The following ZMAT4 variants were observed in gnomAD, a reference collection of about 807,000 sequenced individuals.
ZMAT4 encodes the protein zinc finger matrin-type 4.
A neutral mutation model predicts 28.7 loss-of-function variants in ZMAT4; 17 were observed. The ratio of observed to expected loss-of-function variants is 0.59; its 90% CI spans 0.41 to 0.89. The LOEUF (loss-of-function observed/expected upper bound fraction) is 0.89, where lower values mean the gene tolerates loss of function less well. Among genes scored for constraint, ZMAT4 ranks in the 40% least tolerant of loss-of-function variants. The pLI is 0.00. For missense variants in ZMAT4, 240 were observed against 283.8 expected (o/e 0.85, Z 1.11); for synonymous variants, 117 against 109.2 (o/e 1.07, Z -0.44).
chr8:40,691,419 A>G (rs1809658185), intron 4 of ZMAT4, among the ~76,000 whole-genome samples: 2 of 145,426 alleles, frequency 1.4e-5, no homozygotes, highest in African/African-American at 5.0e-5. Flanking sequence ...AAAAAAAAAA[A>G]GAGAGAGAGA....
chr8:40,837,665 C>T (rs981575790), intron 1 of ZMAT4, among the ~76,000 whole-genome samples: 3 of 152,190 alleles, frequency 2.0e-5, no homozygotes, highest in African/African-American at 7.2e-5. Context: ...GGTCATGGCA[C>T]TAAACAGTGC....
intron 2 of ZMAT4, among the ~76,000 whole-genome samples, chr8:40,777,651 G>T (rs2150569334): frequency 6.6e-6 from 1 of 152,274 alleles, no homozygotes; most frequent in Non-Finnish European, 1.5e-5. Context: ...TCACTGAGAG[G>T]GGCCACAGAG....
intron 3 of ZMAT4, among the ~76,000 whole-genome samples, chr8:40,728,975 A>C (rs187982185): frequency 2.8e-4 from 43 of 152,206 alleles, no homozygotes; most frequent in Non-Finnish European, 5.6e-4. Context: ...CTAGCACACA[A>C]TGTTTTGAAA....
At position 40,830,274 on chromosome 8, in the gene ZMAT4, C is replaced by T. The variant is rs1816232727; in HGVS notation, c.-4-4594G>A. On this transcript the variant is annotated intron_variant, in intron 1 of 6. Coordinates refer to ENST00000297737, the MANE Select transcript of ZMAT4 (RefSeq NM_024645.3). ...TAATGGTGGGGACAGTACAGCTATCCTTCAAATATTAAACATTATACCCAC... is the reference window on the plus strand; with the variant it reads ...TAATGGTGGGGACAGTACAGCTATCTTTCAAATATTAAACATTATACCCAC... Among the ~76,000 whole-genome samples, 3 of 152,070 alleles carry T rather than the reference C, an allele frequency of 2.0e-5. No individual in the cohort carries two copies. In the South Asian group the frequency reaches 6.2e-4, roughly 32 times the overall value.
At chr8:40,842,164 G>A (rs1227749808) in intron 1 of ZMAT4, among the ~76,000 whole-genome samples, 4 of 152,218 alleles carry the variant, frequency 2.6e-5, no homozygotes, top group Non-Finnish European at 5.9e-5. Flanking sequence ...CCTGGGGGCA[G>A]CAATGGTGGT....
At position 40,594,865 on chromosome 8, in the gene ZMAT4, T is replaced by C. The variant is rs376535042; in HGVS notation, c.578-13604A>G. Among the ~76,000 whole-genome samples the C allele has an allele frequency of 3.5e-4, 54 of 152,344 alleles. No individual in the cohort carries two copies. The South Asian group carries it at 8.9e-3, about 25-fold the overall frequency. ...CTTATATACTAATCATCCTATATTT[T>C]CTTGGCATATATTTGAATGGAAAAT... On this transcript the variant is annotated intron_variant, in intron 5 of 6. Transcript: ENST00000297737.
chr8:40,574,565 CAAAATAA>C (rs985275664), intron 6 of ZMAT4, among the ~76,000 whole-genome samples: 2 of 151,932 alleles, frequency 1.3e-5, no homozygotes, highest in African/African-American at 4.8e-5. Context: ...AAAAAAGAAC[CAAAATAA>C]AAAATAAACA....
intron 3 of ZMAT4, among the ~76,000 whole-genome samples, chr8:40,750,291 T>G (rs557020957): frequency 1.3e-5 from 2 of 152,254 alleles, no homozygotes; most frequent in South Asian, 4.2e-4. Flanking sequence ...ACAGACTTCT[T>G]CGTTCTGCAA....
At chr8:40,595,804 C>G (rs1805070677) in intron 5 of ZMAT4, among the ~76,000 whole-genome samples, 1 of 152,066 alleles carries the variant, frequency 6.6e-6, no homozygotes, top group Non-Finnish European at 1.5e-5. Flanking sequence ...CAATGTAAGG[C>G]TGGGCACGGT....
intron 3 of ZMAT4, among the ~76,000 whole-genome samples, chr8:40,731,677 G>A (rs983973948): frequency 5.9e-5 from 9 of 152,260 alleles, no homozygotes; most frequent in East Asian, 1.9e-4. Context: ...AACAGCTGTC[G>A]TAAAGCTGAT....
chr8:40,816,059 A>C (rs1008784178), intron 2 of ZMAT4, among the ~76,000 whole-genome samples: 1 of 152,174 alleles, frequency 6.6e-6, no homozygotes, highest in East Asian at 1.9e-4. Flanking sequence ...TACACAGTGC[A>C]CAGAGACAAT....
intron 1 of ZMAT4, among the ~76,000 whole-genome samples, chr8:40,893,001 C>A (rs1346637021): frequency 6.6e-6 from 1 of 152,210 alleles, no homozygotes; most frequent in African/African-American, 2.4e-5. Context: ...TTTTTAACAT[C>A]TCTTGCTGAT....
intron 6 of ZMAT4, among the ~76,000 whole-genome samples, chr8:40,573,696 A>G (rs553069192): frequency 6.6e-6 from 1 of 152,340 alleles, no homozygotes; most frequent in Admixed American, 6.5e-5. Flanking sequence ...GGCTATCTGG[A>G]AATCTGTTTT....
Position 40,626,915 on chromosome 8 carries a change from C to G in ZMAT4, c.578-45654G>C, listed in dbSNP as rs556466446. On this transcript the variant is annotated intron_variant, in intron 5 of 6. Transcript: ENST00000297737. ...GAGAATGGGAAGCTATGGGATTATA[C>G]ATTTGATGAACTAAATATCCAAACC... Among the ~76,000 whole-genome samples the G allele has an allele frequency of 1.1e-4, 17 of 152,254 alleles. No homozygotes were observed. The East Asian group carries it at 3.3e-3, about 29-fold the overall frequency.
At chr8:40,850,585 C>T (rs570631617) in intron 1 of ZMAT4, among the ~76,000 whole-genome samples, 1 of 152,172 alleles carries the variant, frequency 6.6e-6, no homozygotes, top group Non-Finnish European at 1.5e-5. Flanking sequence ...CTGACAGGCA[C>T]ACAATAGGCA....
At position 40,861,252 on chromosome 8, in the gene ZMAT4, C is replaced by T. The variant is rs184312808; in HGVS notation, c.-4-35572G>A. ...GATGAATCATGACTGAGAAAACTCT[C>T]CTGAAAGAACAGCCTGTGCACAGCT... On this transcript the variant is annotated intron_variant, in intron 1 of 6. Transcript: ENST00000297737. Among the ~76,000 whole-genome samples the T allele has an allele frequency of 1.9e-4, 29 of 152,234 alleles. 1 individual carries two copies. The highest frequency in any genetic ancestry group is 3.4e-3 in the Middle Eastern group (1 of 294).
At chr8:40,894,501 A>G (rs1417062149) in intron 1 of ZMAT4, among the ~76,000 whole-genome samples, 5 of 152,136 alleles carry the variant, frequency 3.3e-5, no homozygotes, top group Non-Finnish European at 7.4e-5. Flanking sequence ...GGAGGAAGGG[A>G]GGAAGGGGCA....
intron 5 of ZMAT4, among the ~76,000 whole-genome samples, chr8:40,621,168 GTGGATCATCTCGGGAA>G (rs1806185467): frequency 6.6e-6 from 1 of 152,184 alleles, no homozygotes; most frequent in South Asian, 2.1e-4. Flanking sequence ...CAGCGAGGGA[GTGGATCATCTCGGGAA>G]AGTTACTTAG....
At chr8:40,839,248 T>C (rs2150625018) in intron 1 of ZMAT4, among the ~76,000 whole-genome samples, 1 of 152,242 alleles carries the variant, frequency 6.6e-6, no homozygotes, top group Admixed American at 6.5e-5. Context: ...CCAGGTCAGA[T>C]CCCCAGAGGC....
Sources: gnomAD v4.1 joint callset for allele counts (sites outside exome capture counted in the v4.1 genomes callset) on GRCh38, gnomAD v4.1.1 for gene constraint, MANE v1.5 for transcripts, NCBI Gene and HGNC (gene_info 2026-07-23, HGNC 2026-07-21) for gene names.